Variants in PCDH15 observed in about 807,000 individuals in gnomAD.
PCDH15 encodes the protein protocadherin-15.
PCDH15 carries 129 observed loss-of-function variants against 178.5 expected under a neutral mutation model. That is an observed-to-expected ratio of 0.72 (90% CI 0.63 to 0.84). The LOEUF (loss-of-function observed/expected upper bound fraction) is 0.84. Among genes scored for constraint, PCDH15 ranks in the 40% least tolerant of loss-of-function variants. The pLI is 0.00. For synonymous variants in PCDH15, 800 were observed against 732.0 expected (o/e 1.09, Z -1.50); for missense variants, 2,230 against 2,099.9 (o/e 1.06, Z -1.21).
intron 2 of PCDH15, among the ~76,000 whole-genome samples, chr10:55,047,404 G>T (rs1841036857): frequency 2.9e-3 from 1 of 348 alleles, no homozygotes; most frequent in Non-Finnish European, 6.5e-3. Context: ...TAAATGTAAA[G>T]ACTTCAATCT....
Position 54,635,029 on chromosome 10 carries a change from T to C in PCDH15, c.91+29143A>G, listed in dbSNP as rs546088907. Among the ~76,000 whole-genome samples the C allele has an allele frequency of 2.6e-5, 4 of 151,942 alleles. No homozygotes were observed. In the South Asian group the frequency reaches 6.2e-4, roughly 24 times the overall value. On this transcript the variant is annotated intron_variant, in intron 2 of 37. Coordinates refer to ENST00000644397, the MANE Select transcript of PCDH15 (RefSeq NM_001384140.1). ...TTTTAAGCCATAAACTCATCATTGA[T>C]GTCTTACAGCCAGATTTAATTACCT...
In PCDH15 at chr10:54,191,246, C is replaced by T. The variant is rs531117850; in HGVS notation, c.1305+4437G>A. On this transcript the variant is annotated intron_variant, in intron 11 of 37. Coordinates refer to ENST00000644397, the MANE Select transcript of PCDH15 (RefSeq NM_001384140.1). The stretch of plus-strand genomic sequence containing the variant: ...GATGTAAACTCATGAGGGAGAAAGA[C>T]ATTATTTTCAAGTTGGAAGTATAGA... Among the ~76,000 whole-genome samples the T allele has an allele frequency of 3.3e-5, 5 of 152,204 alleles. No homozygotes were observed. The South Asian group carries it at 1.0e-3, about 32-fold the overall frequency.
chr10:54,842,230 A>C (rs1953432076), intron 3 of PCDH15, among the ~76,000 whole-genome samples: 1 of 151,486 alleles, frequency 6.6e-6, no homozygotes, highest in Non-Finnish European at 1.5e-5. Flanking sequence ...GAATATGAAT[A>C]AATGAGACAG....
chr10:55,057,302 T>G (rs2131994878), intron 2 of PCDH15, among the ~76,000 whole-genome samples: 1 of 152,302 alleles, frequency 6.6e-6, no homozygotes, highest in African/African-American at 2.4e-5. Flanking sequence ...TCCATGCAAT[T>G]GTTAAGAACA....
intron 20 of PCDH15, among the ~76,000 whole-genome samples, chr10:54,004,172 C>T (rs1383943314): frequency 6.6e-6 from 1 of 152,002 alleles, no homozygotes; most frequent in Non-Finnish European, 1.5e-5. Flanking sequence ...AAACCCGTAG[C>T]TACTCCCATA....
chr10:54,727,721 A>C (rs10825385), intron 1 of PCDH15, among the ~76,000 whole-genome samples: 71,070 of 151,166 alleles, frequency 0.47, 17,311 homozygotes, highest in Middle Eastern at 0.54. Context: ...AGAAGATCCA[A>C]CTAAATACAA....
chr10:53,811,445 G>T, intron 36 of PCDH15, 104 bp downstream of exon 36: 2 of 670,246 alleles, frequency 3.0e-6, no homozygotes, highest in South Asian at 5.3e-5. Flanking sequence ...TAGTGAGATC[G>T]ACATGACATT....
At chr10:53,978,847 T>C (rs957468547) in intron 21 of PCDH15, among the ~76,000 whole-genome samples, 2 of 152,160 alleles carry the variant, frequency 1.3e-5, no homozygotes, top group Non-Finnish European at 2.9e-5. Flanking sequence ...GCATAGCAAG[T>C]GTGACCTTTA....
At chr10:54,981,288 C>A (rs1262525041) in intron 2 of PCDH15, among the ~76,000 whole-genome samples, 1 of 152,156 alleles carries the variant, frequency 6.6e-6, no homozygotes, top group Admixed American at 6.6e-5. Context: ...CAATTAAAAT[C>A]CTTTTGTCCT....
At chr10:55,337,502 G>A (rs912910166) in intron 2 of PCDH15, among the ~76,000 whole-genome samples, 2 of 152,162 alleles carry the variant, frequency 1.3e-5, no homozygotes, top group South Asian at 4.1e-4. Flanking sequence ...GGGAAATAAT[G>A]ATATGAAAGG....
chr10:53,918,948 T>G (rs1388048824), intron 25 of PCDH15, among the ~76,000 whole-genome samples: 1 of 152,200 alleles, frequency 6.6e-6, no homozygotes, highest in Non-Finnish European at 1.5e-5. Context: ...TTTCCTTGTC[T>G]TTTCTAGCTT....
At chr10:54,912,636 C>T (rs1954836799) in intron 2 of PCDH15, among the ~76,000 whole-genome samples, 3 of 152,082 alleles carry the variant, frequency 2.0e-5, no homozygotes, top group African/African-American at 7.2e-5. Context: ...TGAGAACAGA[C>T]TAGTCCAGAA....
chr10:54,541,762 G>T (rs2085257535), intron 2 of PCDH15, among the ~76,000 whole-genome samples: 1 of 152,060 alleles, frequency 6.6e-6, no homozygotes, highest in Admixed American at 6.6e-5. Flanking sequence ...AAGCTAATTT[G>T]TTATTTTTTC....
chr10:54,006,915 C>T (rs2135099905), intron 20 of PCDH15, among the ~76,000 whole-genome samples: 1 of 152,234 alleles, frequency 6.6e-6, no homozygotes, highest in Non-Finnish European at 1.5e-5. Context: ...CAAACACAAC[C>T]AAGGGTCAAT....
chr10:54,031,752 G>A (rs1419106982), intron 18 of PCDH15, among the ~76,000 whole-genome samples: 1 of 152,018 alleles, frequency 6.6e-6, no homozygotes, highest in Non-Finnish European at 1.5e-5. Flanking sequence ...TCATGTTAAT[G>A]GTAAACACTT....
intron 15 of PCDH15, among the ~76,000 whole-genome samples, chr10:54,116,884 A>G (rs766146706): frequency 2.6e-5 from 4 of 152,178 alleles, no homozygotes; most frequent in Non-Finnish European, 5.9e-5. Context: ...AATTCATTTA[A>G]ATGCACCCTT....
intron 2 of PCDH15, among the ~76,000 whole-genome samples, chr10:55,141,977 A>C (rs1838364801): frequency 6.6e-6 from 1 of 152,234 alleles, no homozygotes; most frequent in Admixed American, 6.5e-5. Flanking sequence ...CTGAGACTTT[A>C]TTGAATTCAG....
At chr10:54,552,697 G>A (rs1217800458) in intron 2 of PCDH15, among the ~76,000 whole-genome samples, 1 of 152,126 alleles carries the variant, frequency 6.6e-6, no homozygotes, top group Non-Finnish European at 1.5e-5. Flanking sequence ...GTATCTAGTG[G>A]ATGGTAAGTG....
intron 3 of PCDH15, among the ~76,000 whole-genome samples, chr10:54,437,214 CA>C (rs2075480419): frequency 1.3e-5 from 2 of 152,212 alleles, no homozygotes; most frequent in Admixed American, 1.3e-4. Context: ...AGTGAATGAG[CA>C]AAGCTACATA....
Sources: allele counts gnomAD v4.1 joint callset (sites outside exome capture counted in the v4.1 genomes callset), GRCh38; gene constraint gnomAD v4.1.1; transcripts MANE v1.5; gene names NCBI Gene and HGNC (gene_info 2026-07-23, HGNC 2026-07-21).